Variants in CDH8 observed in about 807,000 individuals in gnomAD.
The protein encoded by CDH8 is cadherin-8.
CDH8 carries 17 observed loss-of-function variants against 68.1 expected under a neutral mutation model. That is an observed-to-expected ratio of 0.25 (90% CI 0.17 to 0.37). The LOEUF is 0.37. Among genes scored for constraint, CDH8 ranks in the 10% least tolerant of loss-of-function variants. The pLI is 1.00. For synonymous variants in CDH8, 372 were observed against 365.1 expected (o/e 1.02, Z -0.21); for missense variants, 763 against 999.3 (o/e 0.76, Z 3.19).
intron 8 of CDH8, among the ~76,000 whole-genome samples, chr16:61,745,723 CTT>C (rs1275236863): frequency 6.6e-6 from 1 of 151,138 alleles, no homozygotes; most frequent in Non-Finnish European, 1.5e-5. Context: ...GGCTCCATGT[CTT>C]TGGGCAAAGT....
At chr16:61,894,483 T>C (rs910134902) in intron 3 of CDH8, among the ~76,000 whole-genome samples, 9 of 152,262 alleles carry the variant, frequency 5.9e-5, no homozygotes, top group African/African-American at 2.2e-4. Flanking sequence ...ATGATTGTAT[T>C]TTGTTGGCTT....
rs908783043 is a variant in CDH8 at position 61,649,817 on chromosome 16, T to C, written c.*3791A>G. 1.3e-5 allele frequency: 2 copies of C among 152,100 alleles called. No individual in the cohort carries two copies. The highest frequency in any genetic ancestry group is 6.6e-5 in the Admixed American group (1 of 15,230). The allele number at this position is 152,100 out of a possible 1,614,324, so 9.4% of individuals were successfully genotyped here. On this transcript the variant is annotated 3_prime_UTR_variant, in exon 12 of 12. Transcript: ENST00000577390. Reference sequence around the variant, plus strand: ...AGCTCTCAGCACCCGCTTTTCCTTTTCCAAAATACAGCATAGCCCAGAACT... The same window carrying C: ...AGCTCTCAGCACCCGCTTTTCCTTTCCCAAAATACAGCATAGCCCAGAACT...
chr16:61,746,475 C>A (rs571539223), intron 8 of CDH8, among the ~76,000 whole-genome samples: 167 of 151,638 alleles, frequency 1.1e-3, no homozygotes, highest in African/African-American at 3.7e-3. Context: ...TTCTCCCTAA[C>A]TTTATGGTTG....
intron 10 of CDH8, among the ~76,000 whole-genome samples, chr16:61,706,645 G>A (rs1240818388): frequency 4.0e-4 from 40 of 98,916 alleles, no homozygotes; most frequent in South Asian, 6.3e-4. Context: ...AAAAAAAAAA[G>A]TGTAACTGGC....
chr16:61,828,993 A>G (rs536809304), intron 4 of CDH8, among the ~76,000 whole-genome samples: 1 of 151,932 alleles, frequency 6.6e-6, no homozygotes, highest in Non-Finnish European at 1.5e-5. Flanking sequence ...AGAATATTCT[A>G]CAATTGCTCC....
chr16:61,790,117 A>G (rs924034772), intron 7 of CDH8, among the ~76,000 whole-genome samples: 4 of 151,964 alleles, frequency 2.6e-5, no homozygotes, highest in Non-Finnish European at 5.9e-5. Flanking sequence ...AAAAGTTAGA[A>G]TCGATATTTT....
chr16:61,801,817 G>A (rs59895828), intron 7 of CDH8, among the ~76,000 whole-genome samples: 4,710 of 152,258 alleles, frequency 0.031, 235 homozygotes, highest in African/African-American at 0.11. Flanking sequence ...AGGGCCCTAC[G>A]CCCACGGAGT....
At chr16:61,746,653 C>A (rs566512948) in intron 8 of CDH8, among the ~76,000 whole-genome samples, 127 of 151,584 alleles carry the variant, frequency 8.4e-4, no homozygotes, top group African/African-American at 3.0e-3. Flanking sequence ...AATCACCCTG[C>A]ACTTGTTTAG....
intron 3 of CDH8, among the ~76,000 whole-genome samples, chr16:61,878,030 G>A (rs544600975): frequency 6.6e-6 from 1 of 152,230 alleles, no homozygotes; most frequent in Admixed American, 6.5e-5. Flanking sequence ...TATGAGTAAT[G>A]GTCCTGTCTT....
At chr16:61,670,607 T>C (rs1963771631) in intron 10 of CDH8, among the ~76,000 whole-genome samples, 1 of 151,978 alleles carries the variant, frequency 6.6e-6, no homozygotes. Flanking sequence ...ACCCCATAAA[T>C]ACATAGAATT....
chr16:61,853,944 A>ATACATATATGTGTATATATACATG (rs1340500792), intron 4 of CDH8, among the ~76,000 whole-genome samples: 7 of 152,086 alleles, frequency 4.6e-5, no homozygotes, highest in Non-Finnish European at 8.8e-5. Context: ...TTTTCTTCAT[A>ATACATATATGTGTATATATACATG]TACATATATG....
chr16:61,985,113 G>C (rs55729131), intron 2 of CDH8, among the ~76,000 whole-genome samples: 1 of 150,878 alleles, frequency 6.6e-6, no homozygotes, highest in Admixed American at 6.6e-5. Context: ...CAAGAATGTC[G>C]GTTTTTTTTT....
At chr16:61,814,618 T>G (rs1297627589) in intron 7 of CDH8, among the ~76,000 whole-genome samples, 1 of 152,178 alleles carries the variant, frequency 6.6e-6, no homozygotes, top group South Asian at 2.1e-4. Flanking sequence ...AACGTTATCC[T>G]AAAAGATGGA....
At chr16:62,008,981 G>A (rs1276695497) in intron 2 of CDH8, among the ~76,000 whole-genome samples, 5 of 149,196 alleles carry the variant, frequency 3.4e-5, no homozygotes, top group African/African-American at 9.9e-5. Flanking sequence ...ATGACAAAAG[G>A]CAAACTGCAA....
intron 3 of CDH8, among the ~76,000 whole-genome samples, chr16:61,896,436 C>A (rs760867944): frequency 6.6e-6 from 1 of 152,180 alleles, no homozygotes; most frequent in Non-Finnish European, 1.5e-5. Context: ...AATCCCTCAG[C>A]CTTTGCTGGC....
At chr16:62,010,766 C>T (rs143722094) in intron 2 of CDH8, among the ~76,000 whole-genome samples, 1,970 of 151,876 alleles carry the variant, frequency 0.013, 40 homozygotes, top group African/African-American at 0.045. Flanking sequence ...TGGAGAAACA[C>T]GATCTCTACT....
At chr16:61,689,961 C>A (rs1964185655) in intron 10 of CDH8, among the ~76,000 whole-genome samples, 1 of 151,976 alleles carries the variant, frequency 6.6e-6, no homozygotes. Context: ...TTTAGACTGT[C>A]TTTCCTTTTC....
At chr16:61,745,895 G>C (rs796136712) in intron 8 of CDH8, among the ~76,000 whole-genome samples, 18 of 151,752 alleles carry the variant, frequency 1.2e-4, no homozygotes, top group African/African-American at 4.3e-4. Context: ...TTTTTTAATT[G>C]GATTTTGAAA....
chr16:62,036,401 C>G lies in CDH8; in HGVS notation c.-521G>C, dbSNP rs967186371. ...ATCCACTAATTCTGGGCTGAGCGCT[C>G]CGGCGTGCGAGCCCGCCTGCCTGCC... is the stretch of plus-strand genomic sequence containing the variant. On this transcript the variant is annotated 5_prime_UTR_variant, in exon 1 of 12. Coordinates refer to ENST00000577390, the MANE Select transcript of CDH8 (RefSeq NM_001796.5). 2.0e-5 allele frequency: 3 copies of G among 152,590 alleles called. No homozygotes were observed. Among genetic ancestry groups the G allele is most frequent in the Non-Finnish European group, 4.4e-5 (3 of 68,358 alleles). 9.5% of individuals were successfully genotyped at this position (152,590 alleles called of 1,614,324 possible). A position where few individuals can be genotyped will look rare whatever the true frequency, so the allele number is the denominator to read the frequency against.
Sources: gnomAD v4.1 joint callset for allele counts (sites outside exome capture counted in the v4.1 genomes callset) on GRCh38, gnomAD v4.1.1 for gene constraint, MANE v1.5 for transcripts, NCBI Gene and HGNC (gene_info 2026-07-23, HGNC 2026-07-21) for gene names.